CLYBL: variants seen among roughly 807,000 people sequenced by gnomAD.
The protein encoded by CLYBL is citramalyl-CoA lyase, mitochondrial.
In CLYBL, 31 loss-of-function variants were observed where a neutral mutation model predicts 38.9. That is an observed-to-expected ratio of 0.80 (90% CI 0.60 to 1.08). CLYBL has a LOEUF of 1.08. CLYBL is among the 50% of genes least tolerant of loss of function. CLYBL has a pLI of 0.00. For missense variants in CLYBL, 434 were observed against 411.6 expected, an observed-to-expected ratio of 1.05 and a Z score of -0.47; for synonymous variants, 171 against 158.6, an observed-to-expected ratio of 1.08 and a Z score of -0.59.
At chr13:99,786,017 G>T (rs2049784581) in intron 2 of CLYBL, among the ~76,000 whole-genome samples, 1 of 151,616 alleles carries the variant, frequency 6.6e-6, no homozygotes, top group South Asian at 2.1e-4. Flanking sequence ...TGTGAACCTT[G>T]CCCATCCCCC....
chr13:99,837,262 A>G (rs1185869505), intron 2 of CLYBL, among the ~76,000 whole-genome samples: 1 of 152,120 alleles, frequency 6.6e-6, no homozygotes, highest in African/African-American at 2.4e-5. Flanking sequence ...AGCCTGGGCA[A>G]CACAGTGAGA....
intron 2 of CLYBL, among the ~76,000 whole-genome samples, chr13:99,828,321 T>C (rs1360403477): frequency 6.6e-6 from 1 of 152,124 alleles, no homozygotes; most frequent in Non-Finnish European, 1.5e-5. Flanking sequence ...GTTTTCTGAG[T>C]GAAGTCAGTG....
intron 2 of CLYBL, among the ~76,000 whole-genome samples, chr13:99,792,400 C>T (rs1307144967): frequency 3.3e-5 from 5 of 152,122 alleles, no homozygotes; most frequent in Non-Finnish European, 7.4e-5. Context: ...GGGGAAGCAC[C>T]TGGTTGAGTG....
At chr13:99,832,919 T>C (rs1349531823) in intron 2 of CLYBL, among the ~76,000 whole-genome samples, 2 of 147,864 alleles carry the variant, frequency 1.4e-5, no homozygotes, top group African/African-American at 2.5e-5. Context: ...ATTCATTATA[T>C]AACCATTATA....
In CLYBL at chr13:99,623,232, C is replaced by T. The variant is rs7996041; in HGVS notation, c.62+16475C>T. On this transcript the variant is annotated intron_variant, in intron 1 of 8. Coordinates refer to ENST00000339105, the MANE Select transcript of CLYBL (RefSeq NM_206808.5). Reference sequence around the variant, plus strand: ...TTACATTCCACCAGCAATGTACAAGCGTTCTGATTTCTCCACATCCTCGCC... The same window carrying T: ...TTACATTCCACCAGCAATGTACAAGTGTTCTGATTTCTCCACATCCTCGCC... Among the ~76,000 whole-genome samples the T allele has an allele frequency of 7.4e-3, 1,125 of 152,314 alleles. 10 individuals carry two copies. The highest frequency in any genetic ancestry group is 0.026 in the African/African-American group (1,082 of 41,566).
intron 1 of CLYBL, 32 bp downstream of exon 1, chr13:99,606,789 G>T: frequency 1.5e-6 from 2 of 1,365,294 alleles, no homozygotes; most frequent in Non-Finnish European, 9.4e-7. Flanking sequence ...CCGCCTTCCC[G>T]GCCCGGCTCG....
intron 3 of CLYBL, among the ~76,000 whole-genome samples, chr13:99,859,376 C>T (rs1023355999): frequency 2.0e-5 from 3 of 152,206 alleles, no homozygotes; most frequent in Admixed American, 2.0e-4. Flanking sequence ...CCTTCCTCCA[C>T]CCTGCCCGGC....
At chr13:99,783,039 G>A (rs1444796211) in intron 2 of CLYBL, among the ~76,000 whole-genome samples, 1 of 151,188 alleles carries the variant, frequency 6.6e-6, no homozygotes, top group East Asian at 1.9e-4. Context: ...TTGTTTTTTG[G>A]TTTTTGTTTT....
At chr13:99,617,306 A>G (rs1012660284) in intron 1 of CLYBL, among the ~76,000 whole-genome samples, 1 of 151,926 alleles carries the variant, frequency 6.6e-6, no homozygotes, top group African/African-American at 2.4e-5. Flanking sequence ...TTTTCCTAAT[A>G]AGGGCCTCTC....
At chr13:99,709,367 G>A (rs2048192929) in intron 1 of CLYBL, among the ~76,000 whole-genome samples, 1 of 152,150 alleles carries the variant, frequency 6.6e-6, no homozygotes, top group African/African-American at 2.4e-5. Flanking sequence ...GTGGTTCTCT[G>A]TCACAGCAGC....
chr13:99,623,217 C>T (rs1299571702), intron 1 of CLYBL, among the ~76,000 whole-genome samples: 1 of 152,220 alleles, frequency 6.6e-6, no homozygotes, highest in Non-Finnish European at 1.5e-5. Context: ...TTACATTCCA[C>T]CAGCAATGTA....
chr13:99,610,180 G>A (rs967429495), intron 1 of CLYBL, among the ~76,000 whole-genome samples: 2 of 152,208 alleles, frequency 1.3e-5, no homozygotes, highest in Non-Finnish European at 2.9e-5. Flanking sequence ...GGAATTCTAG[G>A]CATGAACGAC....
intron 1 of CLYBL, among the ~76,000 whole-genome samples, chr13:99,763,127 A>G (rs573147754): frequency 6.6e-6 from 1 of 152,224 alleles, no homozygotes; most frequent in African/African-American, 2.4e-5. Context: ...GGCTAATTTG[A>G]CTTCTTCTTT....
intron 2 of CLYBL, among the ~76,000 whole-genome samples, chr13:99,850,414 G>A (rs1330775067): frequency 6.6e-6 from 1 of 152,182 alleles, no homozygotes; most frequent in African/African-American, 2.4e-5. Context: ...GAGATGCTCA[G>A]CATCATTAGC....
At chr13:99,886,635 C>A (rs1389598977) in intron 7 of CLYBL, among the ~76,000 whole-genome samples, 1 of 152,228 alleles carries the variant, frequency 6.6e-6, no homozygotes, top group South Asian at 2.1e-4. Flanking sequence ...CCATTGCGTC[C>A]GGAGTTCCAC....
chr13:99,679,379 A>T (rs2047700773), intron 1 of CLYBL, among the ~76,000 whole-genome samples: 1 of 152,144 alleles, frequency 6.6e-6, no homozygotes, highest in African/African-American at 2.4e-5. Context: ...TCTGCCCTGG[A>T]TACATGTCAG....
At chr13:99,722,328 G>T (rs763527034) in intron 1 of CLYBL, among the ~76,000 whole-genome samples, 4 of 152,048 alleles carry the variant, frequency 2.6e-5, no homozygotes, top group Non-Finnish European at 5.9e-5. Context: ...CAGCTTGGAG[G>T]TTTCCTCCCA....
At chr13:99,848,374 C>T (rs1290500812) in intron 2 of CLYBL, among the ~76,000 whole-genome samples, 1 of 152,186 alleles carries the variant, frequency 6.6e-6, no homozygotes, top group Admixed American at 6.5e-5. Context: ...GTCCCCAGCA[C>T]CTGGTGCAGT....
intron 1 of CLYBL, among the ~76,000 whole-genome samples, chr13:99,621,437 CTA>C (rs1291246574): frequency 1.3e-5 from 2 of 152,156 alleles, no homozygotes; most frequent in Non-Finnish European, 2.9e-5. Context: ...CCTGAGAGCC[CTA>C]ACCTCTCCGC....
Sources: gnomAD v4.1 joint callset for allele counts (sites outside exome capture counted in the v4.1 genomes callset) on GRCh38, gnomAD v4.1.1 for gene constraint, MANE v1.5 for transcripts, NCBI Gene and HGNC (gene_info 2026-07-23, HGNC 2026-07-21) for gene names.